Variants in TCF24 observed in about 807,000 individuals in gnomAD.
TCF24 encodes the protein transcription factor 24.
TCF24 carries 5 observed loss-of-function variants against 9.3 expected under a neutral mutation model. That is an observed-to-expected ratio of 0.54 (90% confidence interval 0.28 to 1.13). The LOEUF (loss-of-function observed/expected upper bound fraction) is 1.13. Among genes scored for constraint, TCF24 ranks in the 50% most tolerant of loss-of-function variants. The pLI is 0.09. For synonymous variants in TCF24, 110 were observed against 115.8 expected (o/e 0.95, Z 0.32); for missense variants, 220 against 236.1 (o/e 0.93, Z 0.45).
At position 66,961,565 on chromosome 8, in the gene TCF24, G is replaced by T; in HGVS notation, c.201C>A (p.His67Gln). The T allele has an allele frequency of 6.7e-7, 1 of 1,495,570 alleles. No homozygotes were observed. Among genetic ancestry groups the T allele is most frequent in the Non-Finnish European group, 8.9e-7 (1 of 1,129,804 alleles). The allele number at this position is 1,495,570 out of a possible 1,614,324, so 92.6% of individuals were successfully genotyped here. ...RERSRVQTLR[H>Q]AFLELQRTLP... ...GCGTGCGCTGCAGCTCCAGGAAAGC[G>T]TGCCGCAGGGTCTGCACCCGGCTGC... The change falls in exon 3 of 4, where the codon CAC becomes CAA. Residue 67 changes from histidine (H) to glutamine (Q), a missense_variant. By Grantham distance (24) the His-to-Gln change is conservative. Coordinates refer to ENST00000563496, the MANE Select transcript of TCF24 (RefSeq NM_001193502.2).
chr8:66,957,442 ATC>A (rs373028556), intron 3 of TCF24, among the ~76,000 whole-genome samples: 5 of 149,126 alleles, frequency 3.4e-5, no homozygotes, highest in Non-Finnish European at 3.0e-5. Context: ...AAAAAGAGGA[ATC>A]TCTCTCTCTC....
At chr8:66,961,193 G>A (rs1346752581) in intron 3 of TCF24, among the ~76,000 whole-genome samples, 183 bp downstream of exon 3, 2 of 152,224 alleles carry the variant, frequency 1.3e-5, no homozygotes, top group Non-Finnish European at 2.9e-5. Context: ...GAACCGCGAA[G>A]GAGCCGGCTT....
chr8:66,961,320 C>A, intron 3 of TCF24, 56 bp downstream of exon 3: 5 of 1,385,354 alleles, frequency 3.6e-6, no homozygotes, highest in Non-Finnish European at 4.7e-6. Context: ...ACTGGCAGGG[C>A]AGATCAAGGT....
intron 3 of TCF24, among the ~76,000 whole-genome samples, chr8:66,958,795 G>T (rs182541066): frequency 1.3e-5 from 2 of 152,312 alleles, no homozygotes; most frequent in Admixed American, 1.3e-4. Context: ...AAAGTCATCT[G>T]TGTTTTTCTG....
In TCF24 at chr8:66,962,584, G is replaced by A. The variant is rs561721081; in HGVS notation, c.-390C>T. The A allele has an allele frequency of 2.0e-5, 3 of 152,424 alleles. No homozygotes were observed. The highest frequency in any genetic ancestry group is 2.1e-4 in the South Asian group (1 of 4,828). The allele number at this position is 152,424 out of a possible 1,614,324, so 9.4% of individuals were successfully genotyped here. On this transcript the variant is annotated 5_prime_UTR_variant, in exon 1 of 4. Transcript: ENST00000563496. ...CCGGAGAGGCTACGCCGGGGGCTGA[G>A]GCGGCTTAGAGGGTCATTAATCAAA...
At position 66,961,696 on chromosome 8, in the gene TCF24, T is replaced by C. The variant is rs1360590035; in HGVS notation, c.70A>G (p.Ile24Val). The change falls in exon 3 of 4, where the codon ATC (isoleucine) becomes GTC (valine). Residue 24 changes from isoleucine to valine, a missense_variant. Transcript: ENST00000563496. ...SAEPAPLAAAIRDSRPGRTGP... is the reference protein window; with the variant it reads ...SAEPAPLAAAVRDSRPGRTGP... ...GTCCGCCCGGGACGCGAGTCGCGGA[T>C]GGCGGCGGCCAGGGGCGCGGGCTCG... is the stretch of plus-strand genomic sequence containing the variant. The C allele has an allele frequency of 2.7e-6, 3 of 1,093,394 alleles. No homozygotes were observed. The highest frequency in any genetic ancestry group is 3.4e-5 in the African/African-American group (2 of 59,670). The allele number at this position is 1,093,394 out of a possible 1,614,324, so 67.7% of individuals were successfully genotyped here.
chr8:66,961,353 C>A, intron 3 of TCF24, 23 bp downstream of exon 3: 4 of 1,434,874 alleles, frequency 2.8e-6, no homozygotes, highest in Non-Finnish European at 2.7e-6. Context: ...GCCCCAGCCC[C>A]GCGGTGCGCC....
At chr8:66,949,638 T>A (rs1814024886) in intron 3 of TCF24, among the ~76,000 whole-genome samples, 1 of 152,132 alleles carries the variant, frequency 6.6e-6, no homozygotes, top group Admixed American at 6.6e-5. Flanking sequence ...GATGGCTGGG[T>A]CAAATGGTAT....
intron 3 of TCF24, among the ~76,000 whole-genome samples, chr8:66,956,595 G>A (rs1055529444): frequency 8.6e-5 from 13 of 151,092 alleles, no homozygotes; most frequent in Non-Finnish European, 1.3e-4. Flanking sequence ...ACTCCTGACC[G>A]CAAGTGACCC....
In TCF24 at chr8:66,962,489, T is replaced by C. The variant is rs1814278638; in HGVS notation, c.-295A>G. On this transcript the variant is annotated 5_prime_UTR_variant, in exon 1 of 4. Transcript: ENST00000563496. ...CAACCTCCGCTGGCTGTGACTTTTA[T>C]GCGGGCGCCCCGCGGCCAGGCGTGT... 1 of 152,538 alleles carries C rather than the reference T, an allele frequency of 6.6e-6. No individual in the cohort carries two copies. The highest frequency in any genetic ancestry group is 2.1e-4 in the South Asian group (1 of 4,838). The allele number at this position is 152,538 out of a possible 1,614,324, so 9.4% of individuals were successfully genotyped here.
Position 66,959,405 on chromosome 8 carries a change from C to T in TCF24, c.390+1971G>A, listed in dbSNP as rs577448431. Reference sequence around the variant, plus strand: ...ATAGTTAGGATATTTTAATTTCTTTCGCATTAATCAAAGGTAGACAATGTT... The same window carrying T: ...ATAGTTAGGATATTTTAATTTCTTTTGCATTAATCAAAGGTAGACAATGTT... On this transcript the variant is annotated intron_variant, in intron 3 of 3. Transcript: ENST00000563496. 7.2e-5 allele frequency among the ~76,000 whole-genome samples: 11 copies of T among 152,292 alleles called. No homozygotes were observed. The East Asian group carries it at 1.9e-3, about 27-fold the overall frequency.
chr8:66,961,070 A>G (rs2130902925), intron 3 of TCF24, among the ~76,000 whole-genome samples: 1 of 152,356 alleles, frequency 6.6e-6, no homozygotes, highest in Non-Finnish European at 1.5e-5. Flanking sequence ...TGTGCAACCA[A>G]GCCCCCATTT....
chr8:66,958,001 C>T (rs896759462), intron 3 of TCF24, among the ~76,000 whole-genome samples: 2 of 147,488 alleles, frequency 1.4e-5, no homozygotes, highest in Non-Finnish European at 3.0e-5. Flanking sequence ...ATAAAATTAA[C>T]GAAGCAAACC....
chr8:66,951,303 G>T (rs919818150), intron 3 of TCF24, among the ~76,000 whole-genome samples: 6 of 147,350 alleles, frequency 4.1e-5, no homozygotes, highest in Non-Finnish European at 8.9e-5. Flanking sequence ...TAGCATGAAG[G>T]GTTGTTGAAT....
chr8:66,955,970 T>C (rs1454426198), intron 3 of TCF24, among the ~76,000 whole-genome samples: 1 of 152,196 alleles, frequency 6.6e-6, no homozygotes, highest in Non-Finnish European at 1.5e-5. Flanking sequence ...CTCATTCTGC[T>C]GCACAGGCTG....
At chr8:66,948,731 T>C (rs1361271047) in intron 3 of TCF24, among the ~76,000 whole-genome samples, 1 of 152,082 alleles carries the variant, frequency 6.6e-6, no homozygotes, top group Non-Finnish European at 1.5e-5. Context: ...AGTCTCGCTC[T>C]GTTACCCAGG....
At chr8:66,961,818 G>T in intron 2 of TCF24, 30 bp from the exon 3 acceptor site, 1 of 1,081,638 alleles carries the variant, frequency 9.2e-7, no homozygotes, top group Non-Finnish European at 1.1e-6. Flanking sequence ...CGGTGAGGCC[G>T]GGGGGCGGTC....
chr8:66,951,821 G>C (rs1814062923), intron 3 of TCF24, among the ~76,000 whole-genome samples: 1 of 151,708 alleles, frequency 6.6e-6, no homozygotes, highest in Admixed American at 6.6e-5. Flanking sequence ...GTTTAGTCTT[G>C]GGAGAGTGTA....
At chr8:66,960,516 T>C (rs1375400466) in intron 3 of TCF24, among the ~76,000 whole-genome samples, 1 of 152,104 alleles carries the variant, frequency 6.6e-6, no homozygotes, top group African/African-American at 2.4e-5. Context: ...AGATGATGCA[T>C]TTGGAACAGA....
Sources: gnomAD v4.1 joint callset for allele counts (sites outside exome capture counted in the v4.1 genomes callset) on GRCh38, gnomAD v4.1.1 for gene constraint, MANE v1.5 for transcripts, NCBI Gene and HGNC (gene_info 2026-07-23, HGNC 2026-07-21) for gene names.